ELF3: variants seen among roughly 807,000 people sequenced by gnomAD.
The protein encoded by ELF3 is ETS-related transcription factor Elf-3.
Under a neutral mutation model 43.9 loss-of-function variants are expected in ELF3, and 18 were observed. The ratio of observed to expected loss-of-function variants is 0.41; its 90% CI spans 0.28 to 0.61. The LOEUF is 0.61. Ranked by LOEUF, ELF3 falls within the 20% of genes least tolerant of loss-of-function variation. ELF3 has a pLI of 0.30. For synonymous variants in ELF3, 181 were observed against 190.2 expected (o/e 0.95, Z 0.40); for missense variants, 373 against 487.7 (o/e 0.76, Z 2.21).
Position 202,012,922 on chromosome 1 carries a change from G to C in ELF3, c.599-25G>C. 1.3e-6 allele frequency: 2 copies of C among 1,596,068 alleles called. No individual in the cohort carries two copies. The highest frequency in any genetic ancestry group is 8.5e-7 in the Non-Finnish European group (1 of 1,171,980). ...TTGAGCAGAGGGTGGGCCGGCAGGG[G>C]ACTTACTCTGACCCCGCCCCCCAGG... On this transcript the variant is annotated intron_variant, in intron 5 of 8. Coordinates refer to ENST00000367284, the MANE Select transcript of ELF3 (RefSeq NM_004433.5). This position sits in a 1 kb window ranked among gnomAD's most constrained non-coding sequence, Gnocchi z 4.2.
Position 202,013,221 on chromosome 1 carries a change from G to T in ELF3, c.728G>T (p.Gly243Val). The T allele has an allele frequency of 6.2e-7, 1 of 1,614,154 alleles. No homozygotes were observed. The highest frequency in any genetic ancestry group is 8.5e-7 in the Non-Finnish European group (1 of 1,180,022). Residue 243 changes from glycine (G) to valine (V), a missense_variant, in exon 7 of 9, where the codon GGG (glycine) becomes GTG (valine). Coordinates refer to ENST00000367284, the MANE Select transcript of ELF3 (RefSeq NM_004433.5). This position sits in a 1 kb window ranked among gnomAD's most constrained non-coding sequence, Gnocchi z 5.7. ...TGCAAGAAGGGGGATCCCAAGCACG[G>T]GAAGCGGAAACGAGGCCGGCCCCGA... The part of the protein sequence containing the change: ...RDCKKGDPKH[G>V]KRKRGRPRKL...
intron 2 of ELF3, 87 bp downstream of exon 2, chr1:202,011,386 A>T: frequency 1.4e-6 from 2 of 1,469,316 alleles, no homozygotes; most frequent in Non-Finnish European, 1.8e-6. Flanking sequence ...ATAGGCAGGG[A>T]GGAGGGTCTC....
chr1:202,012,893 G>A lies in ELF3; in HGVS notation c.599-54G>A, dbSNP rs922442576. 2.0e-5 allele frequency: 32 copies of A among 1,573,340 alleles called. No individual in the cohort carries two copies. The highest frequency in any genetic ancestry group is 1.1e-4 in the South Asian group (9 of 83,014). Reference sequence around the variant, plus strand: ...GAAGTGTGTCCTGAGAGCCAGCAGCGTGGTTGAGCAGAGGGTGGGCCGGCA... The same window carrying A: ...GAAGTGTGTCCTGAGAGCCAGCAGCATGGTTGAGCAGAGGGTGGGCCGGCA... On this transcript the variant is annotated intron_variant, in intron 5 of 8. Coordinates refer to ENST00000367284, the MANE Select transcript of ELF3 (RefSeq NM_004433.5). This position sits in a 1 kb window ranked among gnomAD's most constrained non-coding sequence, Gnocchi z 4.2.
chr1:202,014,452 T>A (rs1684273726), intron 8 of ELF3, among the ~76,000 whole-genome samples: 1 of 152,018 alleles, frequency 6.6e-6, no homozygotes, highest in Non-Finnish European at 1.5e-5. Context: ...TGTACTTACT[T>A]TTTTTTTCTT....
At chr1:202,011,614 G>A in intron 2 of ELF3, 1 of 463,042 alleles carries the variant, frequency 2.2e-6, no homozygotes, top group South Asian at 2.9e-5. Flanking sequence ...GCTCACGCCT[G>A]TAATCCCAGC....
rs1558275260 is a variant in ELF3 at position 202,015,948 on chromosome 1, T to C, written c.*625T>C. ...CCCTTAGGATGGGGCTCCCAGCTCC[T>C]TTCTCCTGTGAATGGAGGCAGAGAC... On this transcript the variant is annotated 3_prime_UTR_variant, in exon 9 of 9. Coordinates refer to ENST00000367284, the MANE Select transcript of ELF3 (RefSeq NM_004433.5). 1 of 152,358 alleles carries C rather than the reference T, an allele frequency of 6.6e-6. No individual in the cohort carries two copies. The highest frequency in any genetic ancestry group is 2.1e-4 in the South Asian group (1 of 4,834). 9.4% of individuals were successfully genotyped at this position (152,358 alleles called of 1,614,324 possible).
chr1:202,014,090 G>T (rs1370426180), intron 8 of ELF3, 66 bp downstream of exon 8: 5 of 1,496,722 alleles, frequency 3.3e-6, no homozygotes, highest in Non-Finnish European at 4.5e-6. Context: ...CACTCCCACC[G>T]CCCTCTTTCT....
chr1:202,011,806 G>A, intron 2 of ELF3, 151 bp from the exon 3 acceptor site: 1 of 714,086 alleles, frequency 1.4e-6, no homozygotes, highest in Admixed American at 2.7e-5. Context: ...GAACCTGGGA[G>A]GTGGAGGTTG....
In ELF3 at chr1:202,013,022, A is replaced by C. The variant is rs748056285; in HGVS notation, c.674A>C (p.Lys225Thr). Residue 225 changes from lysine (K) to threonine (T), a missense_variant, in exon 6 of 9, where the codon AAG becomes ACG. Lys to Thr is a moderately conservative substitution (Grantham distance 78). Around this residue, in one of 3 missense-constraint regions of ELF3, gnomAD observed 311 missense variants for 351.2 expected, o/e 0.89. Transcript: ENST00000367284. This position sits in a 1 kb window ranked among gnomAD's most constrained non-coding sequence, Gnocchi z 5.7. Reference sequence around the variant, plus strand: ...GTGGACCTGGATCCCACTGATGGCAAGCTCTTCCCCAGCGGTGAGTCGAGG... The same window carrying C: ...GTGGACCTGGATCCCACTGATGGCACGCTCTTCCCCAGCGGTGAGTCGAGG... The part of the protein sequence containing the change: ...SDVDLDPTDG[K>T]LFPSDGFRDC... 1 of 1,613,626 alleles carries C rather than the reference A, an allele frequency of 6.2e-7. No individual in the cohort carries two copies. Among genetic ancestry groups the C allele is most frequent in the South Asian group, 1.1e-5 (1 of 90,998 alleles).
Position 202,012,428 on chromosome 1 carries a change from G to T in ELF3, c.470G>T (p.Gly157Val). The stretch of plus-strand genomic sequence containing the variant: ...GCCTTCCAGGAGGCCCTAGACCCAG[G>T]GCCCTTTGGTGAGAACCCGTTTTCT... Reference protein sequence around the residue: ...GMAFQEALDPGPFDQGSPFAQ... With the variant: ...GMAFQEALDPVPFDQGSPFAQ... Residue 157 changes from glycine (G) to valine (V), a missense_variant, in exon 4 of 9, where the codon GGG becomes GTG. By Grantham distance (109) the Gly-to-Val change is moderately radical. This residue lies in a region of ELF3 where 311 missense variants were observed against 351.2 expected (regional missense o/e 0.89). Coordinates refer to ENST00000367284, the MANE Select transcript of ELF3 (RefSeq NM_004433.5). The surrounding 1 kb of genome is among the most constrained non-coding windows in gnomAD (Gnocchi z 4.2). The T allele has an allele frequency of 6.2e-7, 1 of 1,613,922 alleles. No individual in the cohort carries two copies. The highest frequency in any genetic ancestry group is 8.5e-7 in the Non-Finnish European group (1 of 1,179,932).
chr1:202,013,782 T>C lies in ELF3; in HGVS notation c.806-47T>C, dbSNP rs997878541. 6.4e-7 allele frequency: 1 copy of C among 1,567,738 alleles called. No individual in the cohort carries two copies. Among genetic ancestry groups the C allele is most frequent in the Non-Finnish European group, 8.7e-7 (1 of 1,154,206 alleles). ...GCGGGCAGGGCTGGCTGGCCTTGGG[T>C]GAGAGGGGACACCTGGATGGCAAAC... On this transcript the variant is annotated intron_variant, in intron 7 of 8. Transcript: ENST00000367284. The surrounding 1 kb of genome is among the most constrained non-coding windows in gnomAD (Gnocchi z 5.7).
rs527259517 is a variant in ELF3, at chr1:202,016,686, T to G, written c.*1363T>G. On this transcript the variant is annotated 3_prime_UTR_variant, in exon 9 of 9. Coordinates refer to ENST00000367284, the MANE Select transcript of ELF3 (RefSeq NM_004433.5). ...GCGCAGGTTTGTTACATGGGTATAT[T>G]GTGTGATGCTGAGCTTGGGATGCGA... The G allele has an allele frequency of 6.6e-6, 1 of 152,070 alleles. No homozygotes were observed. The highest frequency in any genetic ancestry group is 1.5e-5 in the Non-Finnish European group (1 of 68,014). 9.4% of individuals were successfully genotyped at this position (152,070 alleles called of 1,614,324 possible). A position where few individuals can be genotyped will look rare whatever the true frequency, so the allele number is the denominator to read the frequency against.
Position 202,015,372 on chromosome 1 carries a change from C to A in ELF3, c.*49C>A. The A allele has an allele frequency of 6.3e-7, 1 of 1,587,496 alleles. No individual in the cohort carries two copies. The highest frequency in any genetic ancestry group is 8.6e-7 in the Non-Finnish European group (1 of 1,160,130). Reference sequence around the variant, plus strand: ...AAACTCACGGACCACTCGAGGCCTGCAAACCTTCCTGGGAGGACAGGCAGG... The same window carrying A: ...AAACTCACGGACCACTCGAGGCCTGAAAACCTTCCTGGGAGGACAGGCAGG... On this transcript the variant is annotated 3_prime_UTR_variant, in exon 9 of 9. Coordinates refer to ENST00000367284, the MANE Select transcript of ELF3 (RefSeq NM_004433.5).
Position 202,013,282 on chromosome 1 carries a change from C to A in ELF3, c.789C>A (p.Gly263=). 1 of 1,613,856 alleles carries A rather than the reference C, an allele frequency of 6.2e-7. No individual in the cohort carries two copies. The highest frequency in any genetic ancestry group is 8.5e-7 in the Non-Finnish European group (1 of 1,179,806). Residue 263 remains glycine, a synonymous_variant, in exon 7 of 9, where the codon GGC becomes GGA. Transcript: ENST00000367284. This position sits in a 1 kb window ranked among gnomAD's most constrained non-coding sequence, Gnocchi z 5.7. ...AAGAGTACTGGGACTGTCTCGAGGG[C>A]AAGAAGAGCAAGCACGGTGAGCTCC... ...LSKEYWDCLE[G]KKSKHAPRGT... is the part of the protein sequence containing the mutation.
In ELF3 at chr1:202,013,276, C is replaced by T. The variant is rs903387569; in HGVS notation, c.783C>T (p.Leu261=). 5.6e-6 allele frequency: 9 copies of T among 1,613,868 alleles called. No homozygotes were observed. In the African/African-American group the frequency reaches 6.7e-5, roughly 12 times the overall value. ...RKLSKEYWDC[L]EGKKSKHAPR... ...TGAGCAAAGAGTACTGGGACTGTCT[C>T]GAGGGCAAGAAGAGCAAGCACGGTG... Residue 261 remains leucine (L), a synonymous_variant, in exon 7 of 9, where the codon CTC becomes CTT. Transcript: ENST00000367284. The surrounding 1 kb of genome is among the most constrained non-coding windows in gnomAD (Gnocchi z 5.7).
Position 202,013,112 on chromosome 1 carries a change from T to A in ELF3, c.689-70T>A. ...GGGCCCGGCTCTTCCTGCAGCCTTT[T>A]CCTGTAGAGGGGCTACTCTCCCTAA... On this transcript the variant is annotated intron_variant, in intron 6 of 8. Transcript: ENST00000367284. This position sits in a 1 kb window ranked among gnomAD's most constrained non-coding sequence, Gnocchi z 5.7. The A allele has an allele frequency of 6.2e-7, 1 of 1,602,494 alleles. No individual in the cohort carries two copies. The highest frequency in any genetic ancestry group is 1.3e-5 in the African/African-American group (1 of 74,852).
chr1:202,015,021 G>A, intron 8 of ELF3, 188 bp from the exon 9 acceptor site: 1 of 577,566 alleles, frequency 1.7e-6, no homozygotes, highest in Non-Finnish European at 3.1e-6. Flanking sequence ...GGCCAGTGTA[G>A]GGAAAGAGCT....
rs1684209867 is a variant in ELF3 at position 202,012,075 on chromosome 1, A to G, written c.282A>G (p.Arg94=). 1.9e-6 allele frequency: 3 copies of G among 1,614,194 alleles called. No individual in the cohort carries two copies. The highest frequency in any genetic ancestry group is 2.7e-5 in the African/African-American group (2 of 75,062). ...ACGCAAGCGCCATTGACTTCTCACG[A>G]TGTGACATGGATGGCGCCACCCTCT... is the stretch of plus-strand genomic sequence containing the variant. The part of the protein sequence containing the change: ...KYDASAIDFS[R]CDMDGATLCN... The change falls in exon 3 of 9, where the codon CGA becomes CGG. Residue 94 remains arginine (R), a synonymous_variant. Transcript: ENST00000367284. This position sits in a 1 kb window ranked among gnomAD's most constrained non-coding sequence, Gnocchi z 4.2.
rs750646731 is a variant in ELF3 at position 202,013,075 on chromosome 1, G to A, written c.688+39G>A. ...GGTCCCCAAGAGGGCGTCCCATTTA[G>A]CAATGCACAGGGGGCCCGGCTCTTC... is the stretch of plus-strand genomic sequence containing the variant. On this transcript the variant is annotated intron_variant, in intron 6 of 8. Transcript: ENST00000367284. This position sits in a 1 kb window ranked among gnomAD's most constrained non-coding sequence, Gnocchi z 5.7. 6.2e-7 allele frequency: 1 copy of A among 1,604,916 alleles called. No individual in the cohort carries two copies.
Sources: gnomAD v4.1 joint callset for allele counts (sites outside exome capture counted in the v4.1 genomes callset) on GRCh38, gnomAD v4.1.1 for gene constraint, gnomAD v4.1.1 regional missense constraint, Gnocchi (gnomAD v3.1) non-coding constraint, MANE v1.5 for transcripts, NCBI Gene and HGNC (gene_info 2026-07-23, HGNC 2026-07-21) for gene names.